Variants in CRYBA4 observed in about 807,000 individuals in gnomAD.
The protein encoded by CRYBA4 is beta-crystallin A4.
A neutral mutation model predicts 31.7 loss-of-function variants in CRYBA4; 30 were observed. The observed-to-expected ratio is 0.95, with a 90% confidence interval of 0.71 to 1.28. The LOEUF is 1.28. Among genes scored for constraint, CRYBA4 ranks in the 50% most tolerant of loss-of-function variants. The pLI is 0.00. For missense variants in CRYBA4, 225 were observed against 260.7 expected, an observed-to-expected ratio of 0.86 and a Z score of 0.94; for synonymous variants, 102 against 102.3, an observed-to-expected ratio of 1.00 and a Z score of 0.02.
In CRYBA4 at chr22:26,630,458, G is replaced by T; in HGVS notation, c.562G>T (p.Val188Leu). Reference protein sequence around the residue: ...EWGSHAPTFQVQSIRRIQQ With the variant: ...EWGSHAPTFQLQSIRRIQQ ...GGGCTCTCATGCCCCGACCTTCCAG[G>T]TGCAGAGCATCCGCAGGATCCAGCA... Residue 188 changes from valine to leucine, a missense_variant, in exon 6 of 6, where the codon GTG (valine) becomes TTG (leucine). Transcript: ENST00000354760. 1.2e-6 allele frequency: 2 copies of T among 1,614,012 alleles called. No individual in the cohort carries two copies. Among genetic ancestry groups the T allele is most frequent in the Non-Finnish European group, 1.7e-6 (2 of 1,180,024 alleles).
the CRYBA4 span, chr22:26,599,533 A>C: frequency 6.2e-7 from 1 of 1,613,880 alleles, no homozygotes; most frequent in Non-Finnish European, 8.5e-7. Flanking sequence ...GGACCCCTCG[A>C]GGTGCCACTG....
chr22:26,630,366 A>G lies in CRYBA4; in HGVS notation c.470A>G (p.Tyr157Cys). ...GAWVCSQFPG[Y>C]RGFQYVLECD... The stretch of plus-strand genomic sequence containing the variant: ...TGGGTTTGCTCCCAGTTTCCGGGCT[A>G]CCGAGGATTTCAGTATGTGCTGGAA... Residue 157 changes from tyrosine to cysteine, a missense_variant, in exon 6 of 6, where the codon TAC becomes TGC. Transcript: ENST00000354760. 2 of 1,614,236 alleles carry G rather than the reference A, an allele frequency of 1.2e-6. No homozygotes were observed. Among genetic ancestry groups the G allele is most frequent in the East Asian group, 2.2e-5 (1 of 44,888 alleles).
At chr22:26,622,107 C>T (rs750684868) in intron 1 of CRYBA4, 121 bp downstream of exon 1, 15 of 368,228 alleles carry the variant, frequency 4.1e-5, no homozygotes, top group Non-Finnish European at 5.8e-5. Context: ...CCATCCTCAT[C>T]CTAACCAAGG....
the CRYBA4 span, among the ~76,000 whole-genome samples, chr22:26,605,671 CA>C: frequency 0.016 from 889 of 54,188 alleles, 4 homozygotes; most frequent in African/African-American, 0.055. Context: ...AGATGTGTCT[CA>C]AAAAAAAAAA....
the CRYBA4 span, among the ~76,000 whole-genome samples, chr22:26,597,520 A>G: frequency 1.3e-5 from 2 of 152,170 alleles, no homozygotes; most frequent in African/African-American, 2.4e-5. Flanking sequence ...CTCTGCCTGG[A>G]ATATCATCTC....
chr22:26,625,774 C>T (rs1487092793), intron 4 of CRYBA4, 152 bp downstream of exon 4: 5 of 743,890 alleles, frequency 6.7e-6, no homozygotes, highest in South Asian at 1.7e-5. Flanking sequence ...GCCTCGGTTT[C>T]TTCATCTTGA....
the CRYBA4 span, chr22:26,608,134 A>G: frequency 2.7e-6 from 4 of 1,493,204 alleles, no homozygotes; most frequent in South Asian, 3.5e-5. Flanking sequence ...GACAGTAGGA[A>G]AGTCCAAAGG....
chr22:26,620,224 A>T (rs1357007789), upstream of CRYBA4, among the ~76,000 whole-genome samples: 1 of 152,052 alleles, frequency 6.6e-6, no homozygotes, highest in African/African-American at 2.4e-5. Flanking sequence ...TTTGATCAAC[A>T]ATTAATAATA....
At chr22:26,604,068 A>G in the CRYBA4 span, among the ~76,000 whole-genome samples, 2 of 152,360 alleles carry the variant, frequency 1.3e-5, no homozygotes, top group South Asian at 4.1e-4. Context: ...GGGATCATCC[A>G]TCTTTTCAAA....
At position 26,622,694 on chromosome 22, in the gene CRYBA4, T is replaced by G. The variant is rs1452286969; in HGVS notation, c.39+59T>G. The G allele has an allele frequency of 2.6e-5, 34 of 1,283,274 alleles. No homozygotes were observed. The Admixed American group carries it at 5.7e-4, about 22-fold the overall frequency. 79.5% of individuals were successfully genotyped at this position (1,283,274 alleles called of 1,614,324 possible). Reference sequence around the variant, plus strand: ...GGTATGGGGAGGGTTCAGGTCCCCATGAATCCTAGGAGGGGGGCATTATAA... The same window carrying G: ...GGTATGGGGAGGGTTCAGGTCCCCAGGAATCCTAGGAGGGGGGCATTATAA... On this transcript the variant is annotated intron_variant, in intron 2 of 5. Transcript: ENST00000354760.
chr22:26,612,149 TGCTCGACG>T, the CRYBA4 span: 21 of 1,613,568 alleles, frequency 1.3e-5, no homozygotes, highest in Admixed American at 3.3e-5. Context: ...CCGAGAATTC[TGCTCGACG>T]GCCCTGGAAG....
chr22:26,622,284 G>A (rs1333135406), intron 1 of CRYBA4, among the ~76,000 whole-genome samples: 1 of 152,092 alleles, frequency 6.6e-6, no homozygotes, highest in African/African-American at 2.4e-5. Context: ...CTGGGGTGAT[G>A]CACCCACCCA....
At chr22:26,621,248 T>C (rs1929521283), upstream of CRYBA4, among the ~76,000 whole-genome samples, 1 of 152,220 alleles carries the variant, frequency 6.6e-6, no homozygotes, top group Non-Finnish European at 1.5e-5. Context: ...GGATTCATCT[T>C]CAGGCTTTGT....
At chr22:26,605,671 CAAAAAAA>C in the CRYBA4 span, among the ~76,000 whole-genome samples, 22 of 54,202 alleles carry the variant, frequency 4.1e-4, no homozygotes, top group East Asian at 2.4e-3. Flanking sequence ...AGATGTGTCT[CAAAAAAA>C]AAAAAAAAAA....
chr22:26,615,528 T>G, the CRYBA4 span, among the ~76,000 whole-genome samples: 2 of 152,052 alleles, frequency 1.3e-5, no homozygotes, highest in East Asian at 3.9e-4. Context: ...TTTTCTTTTT[T>G]TTTTTGATGG....
chr22:26,616,305 T>C, the CRYBA4 span: 1 of 1,613,876 alleles, frequency 6.2e-7, no homozygotes, highest in Non-Finnish European at 8.5e-7. Context: ...CCGAGGCCTT[T>C]GCAGCCTGAG....
the CRYBA4 span, chr22:26,607,833 A>T: frequency 6.2e-7 from 1 of 1,612,704 alleles, no homozygotes; most frequent in South Asian, 1.1e-5. Context: ...TCTCAGACTT[A>T]CACCTGCCCT....
intron 5 of CRYBA4, among the ~76,000 whole-genome samples, chr22:26,629,697 G>T (rs5761640): frequency 0.28 from 36,870 of 133,680 alleles, 5,594 homozygotes; most frequent in East Asian, 0.45. Flanking sequence ...GTCATGCCAC[G>T]GCACTCCAGT....
At chr22:26,607,322 A>G in the CRYBA4 span, among the ~76,000 whole-genome samples, 1 of 152,078 alleles carries the variant, frequency 6.6e-6, no homozygotes, top group South Asian at 2.1e-4. Flanking sequence ...ATGCCCGGCT[A>G]CAATATCCCT....
Sources: gnomAD v4.1 joint callset for allele counts (sites outside exome capture counted in the v4.1 genomes callset) on GRCh38, gnomAD v4.1.1 for gene constraint, MANE v1.5 for transcripts, NCBI Gene and HGNC (gene_info 2026-07-23, HGNC 2026-07-21) for gene names.